The following PTPRD variants were observed in gnomAD, a reference collection of about 807,000 sequenced individuals.
The protein encoded by PTPRD is protein tyrosine phosphatase receptor type D.
In PTPRD, 34 loss-of-function variants were observed where a neutral mutation model predicts 214.5. That is an observed-to-expected ratio of 0.16 (90% CI 0.12 to 0.21). The LOEUF (loss-of-function observed/expected upper bound fraction) is 0.21, where lower values mean the gene tolerates loss of function less well. Ranked by LOEUF, PTPRD falls within the 10% of genes least tolerant of loss-of-function variation. The probability of loss-of-function intolerance (pLI) is 1.00; values close to 1 mark genes in which losing one functional copy is unlikely to be tolerated. For synonymous variants in PTPRD, 1,128 were observed against 845.7 expected (o/e 1.33, Z -5.79); for missense variants, 2,545 against 2,398.7 (o/e 1.06, Z -1.27).
intron 12 of PTPRD, among the ~76,000 whole-genome samples, chr9:8,639,865 G>A (rs1300350695): frequency 6.6e-6 from 1 of 152,194 alleles, no homozygotes; most frequent in East Asian, 1.9e-4. Flanking sequence ...GAATAGGTAT[G>A]AGTGCCATTT....
chr9:10,476,385 T>A (rs757082964), intron 2 of PTPRD, among the ~76,000 whole-genome samples: 1 of 152,220 alleles, frequency 6.6e-6, no homozygotes, highest in Non-Finnish European at 1.5e-5. Flanking sequence ...CCATTCACAA[T>A]TGCTACAAAG....
chr9:10,065,778 G>A (rs1056262377), intron 3 of PTPRD, among the ~76,000 whole-genome samples: 17 of 151,784 alleles, frequency 1.1e-4, no homozygotes, highest in African/African-American at 4.1e-4. Context: ...CAAAGAAACG[G>A]GGAAGAAAAG....
chr9:9,948,444 C>T (rs1357146770), intron 4 of PTPRD, among the ~76,000 whole-genome samples: 1 of 152,004 alleles, frequency 6.6e-6, no homozygotes, highest in African/African-American at 2.4e-5. Context: ...ATAAGTCTTA[C>T]TGAATCTTTG....
Position 9,831,552 on chromosome 9 carries a change from T to C in PTPRD, c.-367-64701A>G, listed in dbSNP as rs147842358. On this transcript the variant is annotated intron_variant, in intron 5 of 45. Coordinates refer to ENST00000381196, the MANE Select transcript of PTPRD (RefSeq NM_002839.4). ...GGGTTGCTCATCGTAAGATTGAAGA[T>C]GATGATATTCTTTTTCCTGTAGGAG... Among the ~76,000 whole-genome samples, 462 of 152,080 alleles carry C rather than the reference T, an allele frequency of 3.0e-3. 4 individuals are homozygous for C. Among genetic ancestry groups the C allele is most frequent in the African/African-American group, 0.01 (436 of 41,552 alleles).
chr9:9,803,439 T>A (rs1450819947), intron 5 of PTPRD, among the ~76,000 whole-genome samples: 5 of 151,988 alleles, frequency 3.3e-5, no homozygotes, highest in Non-Finnish European at 5.9e-5. Context: ...TTTATTTTCT[T>A]AAATTAATGG....
intron 11 of PTPRD, among the ~76,000 whole-genome samples, chr9:8,980,513 T>G (rs1458300809): frequency 1.3e-5 from 2 of 152,092 alleles, no homozygotes; most frequent in African/African-American, 4.8e-5. Context: ...ACAATAAAAT[T>G]TATTTTTAAA....
chr9:9,941,548 C>G (rs1307877885), intron 4 of PTPRD, among the ~76,000 whole-genome samples: 1 of 152,174 alleles, frequency 6.6e-6, no homozygotes, highest in Admixed American at 6.5e-5. Flanking sequence ...TTCTTGAACT[C>G]CTGACATCAA....
chr9:10,229,512 C>T (rs982847696), intron 3 of PTPRD, among the ~76,000 whole-genome samples: 1 of 152,016 alleles, frequency 6.6e-6, no homozygotes, highest in South Asian at 2.1e-4. Flanking sequence ...CCACGGAATA[C>T]TATGCAGCCA....
intron 9 of PTPRD, among the ~76,000 whole-genome samples, chr9:9,195,107 T>TACAC (rs57276075): frequency 5.0e-5 from 7 of 141,198 alleles, no homozygotes; most frequent in African/African-American, 1.8e-4. Context: ...TATATATATA[T>TACAC]ACACACACAC....
At chr9:9,139,911 T>A (rs892969548) in intron 10 of PTPRD, among the ~76,000 whole-genome samples, 1 of 152,110 alleles carries the variant, frequency 6.6e-6, no homozygotes, top group African/African-American at 2.4e-5. Flanking sequence ...ATAAAAAGGA[T>A]AAATTTGAAG....
At chr9:10,382,605 T>C (rs1014032489) in intron 2 of PTPRD, among the ~76,000 whole-genome samples, 2 of 151,952 alleles carry the variant, frequency 1.3e-5, no homozygotes, top group Admixed American at 6.6e-5. Context: ...ATGACATATA[T>C]TGAACAATGT....
chr9:10,395,859 T>C (rs1379753403), intron 2 of PTPRD, among the ~76,000 whole-genome samples: 1 of 151,770 alleles, frequency 6.6e-6, no homozygotes, highest in Non-Finnish European at 1.5e-5. Context: ...AATAAATGAA[T>C]TGTTTGTTCC....
At chr9:10,386,779 A>C (rs917070250) in intron 2 of PTPRD, among the ~76,000 whole-genome samples, 4 of 151,922 alleles carry the variant, frequency 2.6e-5, no homozygotes, top group African/African-American at 7.2e-5. Flanking sequence ...ATGGATCCCC[A>C]AAAATAGCCA....
intron 12 of PTPRD, among the ~76,000 whole-genome samples, chr9:8,664,210 T>G (rs889636969): frequency 2.6e-5 from 4 of 152,176 alleles, no homozygotes; most frequent in Non-Finnish European, 4.4e-5. Flanking sequence ...CATTCAAGAT[T>G]CATATCAGAA....
At chr9:8,796,931 T>C (rs539163015) in intron 11 of PTPRD, among the ~76,000 whole-genome samples, 1 of 151,994 alleles carries the variant, frequency 6.6e-6, no homozygotes, top group Non-Finnish European at 1.5e-5. Flanking sequence ...CATGTTAAAA[T>C]TTTTGTTTTT....
chr9:8,846,359 G>C (rs2097696028), intron 11 of PTPRD, among the ~76,000 whole-genome samples: 1 of 152,102 alleles, frequency 6.6e-6, no homozygotes, highest in Non-Finnish European at 1.5e-5. Context: ...CACCGAGCCA[G>C]GCCATGTAGT....
At chr9:10,394,668 T>C (rs1019126711) in intron 2 of PTPRD, among the ~76,000 whole-genome samples, 2 of 151,892 alleles carry the variant, frequency 1.3e-5, no homozygotes, top group Non-Finnish European at 2.9e-5. Flanking sequence ...TTAATAACCT[T>C]CATAAAAATA....
rs143705821 is a variant in PTPRD at position 8,347,734 on chromosome 9, G to A, written c.4662-5756C>T. On this transcript the variant is annotated intron_variant, in intron 39 of 45. Coordinates refer to ENST00000381196, the MANE Select transcript of PTPRD (RefSeq NM_002839.4). Reference sequence around the variant, plus strand: ...GGAGCTTTAATCAGATAGGATGGATGTCCTTGTAAGAGGAAGAGACACCAG... The same window carrying A: ...GGAGCTTTAATCAGATAGGATGGATATCCTTGTAAGAGGAAGAGACACCAG... Among the ~76,000 whole-genome samples the A allele has an allele frequency of 3.5e-3, 530 of 152,278 alleles. 4 individuals carry two copies. The highest frequency in any genetic ancestry group is 0.012 in the African/African-American group (495 of 41,562).
chr9:10,104,998 C>A (rs944453166), intron 3 of PTPRD, among the ~76,000 whole-genome samples: 11 of 151,842 alleles, frequency 7.2e-5, no homozygotes, highest in Middle Eastern at 3.4e-3. Flanking sequence ...CTTTGTATAT[C>A]TGGGAAAAGA....
Sources: gnomAD v4.1 joint callset for allele counts (sites outside exome capture counted in the v4.1 genomes callset) on GRCh38, gnomAD v4.1.1 for gene constraint, MANE v1.5 for transcripts, NCBI Gene and HGNC (gene_info 2026-07-23, HGNC 2026-07-21) for gene names.